Variants in CNTLN observed in about 807,000 individuals in gnomAD.
The protein encoded by CNTLN is centlein.
CNTLN carries 212 observed loss-of-function variants against 180.0 expected under a neutral mutation model. That is an observed-to-expected ratio of 1.18 (90% confidence interval 1.05 to 1.32). The LOEUF (loss-of-function observed/expected upper bound fraction) is 1.32, where lower values mean the gene tolerates loss of function less well. Among genes scored for constraint, CNTLN ranks in the 40% most tolerant of loss-of-function variants. The probability of loss-of-function intolerance (pLI) is 0.00; values close to 1 mark genes in which losing one functional copy is unlikely to be tolerated. For missense variants in CNTLN, 2,095 were observed against 1,610.9 expected (o/e 1.30, Z -5.14); for synonymous variants, 722 against 563.1 (o/e 1.28, Z -3.99).
chr9:17,483,690 A>G (rs532940219), intron 23 of CNTLN, among the ~76,000 whole-genome samples: 1 of 152,196 alleles, frequency 6.6e-6, no homozygotes, highest in Non-Finnish European at 1.5e-5. Context: ...AGGCAACTTA[A>G]AGGCTTGTGA....
At chr9:17,489,900 C>T (rs1031971531) in intron 25 of CNTLN, among the ~76,000 whole-genome samples, 9 of 152,128 alleles carry the variant, frequency 5.9e-5, no homozygotes, top group African/African-American at 1.9e-4. Flanking sequence ...AGTCTACTTT[C>T]ATCTTTCTAT....
At chr9:17,378,675 C>T (rs1447536396) in intron 13 of CNTLN, among the ~76,000 whole-genome samples, 1 of 151,984 alleles carries the variant, frequency 6.6e-6, no homozygotes, top group Non-Finnish European at 1.5e-5. Context: ...TTTTCTTTTA[C>T]AATTTGGATT....
chr9:17,358,663 T>C (rs1823049071), intron 12 of CNTLN, among the ~76,000 whole-genome samples: 1 of 152,208 alleles, frequency 6.6e-6, no homozygotes, highest in African/African-American at 2.4e-5. Context: ...GTTTGAAATA[T>C]GCTTTCTACT....
Position 17,427,015 on chromosome 9 carries a change from G to T in CNTLN, c.3114+10826G>T, listed in dbSNP as rs1435721004. 2.6e-5 allele frequency among the ~76,000 whole-genome samples: 4 copies of T among 152,142 alleles called. No homozygotes were observed. In the East Asian group the frequency reaches 7.7e-4, roughly 29 times the overall value. On this transcript the variant is annotated intron_variant, in intron 18 of 25. Transcript: ENST00000380647. ...TTGTACTCTGCCCTGGTCCCAATCA[G>T]AGACATATTTCTTTATTACCTTTCT...
At chr9:17,343,709 C>T (rs149893635) in intron 12 of CNTLN, among the ~76,000 whole-genome samples, 4 of 152,110 alleles carry the variant, frequency 2.6e-5, no homozygotes, top group East Asian at 3.9e-4. Flanking sequence ...ACTTATATAA[C>T]GTATATAATT....
chr9:17,242,664 A>T (rs1392490249), intron 5 of CNTLN, among the ~76,000 whole-genome samples: 1 of 152,178 alleles, frequency 6.6e-6, no homozygotes, highest in African/African-American at 2.4e-5. Context: ...TATCCCAATG[A>T]TTGATTTGCA....
At chr9:17,315,340 A>G (rs1819467430) in intron 8 of CNTLN, among the ~76,000 whole-genome samples, 1 of 152,056 alleles carries the variant, frequency 6.6e-6, no homozygotes, top group South Asian at 2.1e-4. Flanking sequence ...TTGAGAAGGC[A>G]TGTCTCTTAT....
rs773149484 is a variant in CNTLN at position 17,309,066 on chromosome 9, T to G, written c.1155T>G (p.Asn385Lys). The change falls in exon 8 of 26, where the codon AAT (asparagine) becomes AAG (lysine). Residue 385 changes from asparagine to lysine, a missense_variant. Coordinates refer to ENST00000380647, the MANE Select transcript of CNTLN (RefSeq NM_017738.4). ...TATATTTTTTGAAACAGCTTTACAA[T>G]GAGTTACATATTTGTTTTGAAACCA... ...AESISYQKLY[N>K]ELHICFETTK... 10 of 1,575,878 alleles carry G rather than the reference T, an allele frequency of 6.3e-6. No homozygotes were observed. Among genetic ancestry groups the G allele is most frequent in the Non-Finnish European group, 6.0e-6 (7 of 1,167,024 alleles).
intron 7 of CNTLN, among the ~76,000 whole-genome samples, chr9:17,304,272 A>T (rs957501182): frequency 1.3e-5 from 2 of 152,162 alleles, no homozygotes; most frequent in African/African-American, 2.4e-5. Context: ...TCTAGGAGAA[A>T]AACACCTATC....
Position 17,502,688 on chromosome 9 carries a change from C to G in CNTLN, c.*36C>G. The G allele has an allele frequency of 1.2e-6, 1 of 824,372 alleles. No homozygotes were observed. Among genetic ancestry groups the G allele is most frequent in the Non-Finnish European group, 1.9e-6 (1 of 539,848 alleles). The allele number at this position is 824,372 out of a possible 1,614,324, so 51.1% of individuals were successfully genotyped here. A position where few individuals can be genotyped will look rare whatever the true frequency, so the allele number is the denominator to read the frequency against. On this transcript the variant is annotated 3_prime_UTR_variant, in exon 26 of 26. Transcript: ENST00000380647. Reference sequence around the variant, plus strand: ...GAGAGCTTTATTGCAAATGTGAAAACTTTTTATGTGGTGTGATTGGAATAC... The same window carrying G: ...GAGAGCTTTATTGCAAATGTGAAAAGTTTTTATGTGGTGTGATTGGAATAC...
chr9:17,245,316 T>C (rs1052125405), intron 5 of CNTLN, among the ~76,000 whole-genome samples: 1 of 151,906 alleles, frequency 6.6e-6, no homozygotes, highest in Non-Finnish European at 1.5e-5. Flanking sequence ...TACTATTCTA[T>C]GTTAAAAGTT....
intron 2 of CNTLN, among the ~76,000 whole-genome samples, chr9:17,171,485 A>C (rs1820417151): frequency 6.6e-6 from 1 of 152,152 alleles, no homozygotes; most frequent in Non-Finnish European, 1.5e-5. Flanking sequence ...GTGTGTTACA[A>C]GGTGTCTGCA....
chr9:17,445,317 G>C (rs1830340034), intron 18 of CNTLN, among the ~76,000 whole-genome samples: 1 of 152,026 alleles, frequency 6.6e-6, no homozygotes, highest in Non-Finnish European at 1.5e-5. Flanking sequence ...GCAAGACTTA[G>C]ATACGGTACA....
At chr9:17,357,731 T>G (rs1046591353) in intron 12 of CNTLN, among the ~76,000 whole-genome samples, 2 of 151,366 alleles carry the variant, frequency 1.3e-5, no homozygotes, top group South Asian at 4.2e-4. Context: ...TTTCCATAAG[T>G]CAATTTTGTC....
At chr9:17,424,189 C>T (rs920005606) in intron 18 of CNTLN, among the ~76,000 whole-genome samples, 7 of 152,004 alleles carry the variant, frequency 4.6e-5, no homozygotes, top group African/African-American at 1.7e-4. Flanking sequence ...CTGATTAAAA[C>T]AATGTATTTT....
intron 5 of CNTLN, among the ~76,000 whole-genome samples, chr9:17,266,429 A>T (rs1487271210): frequency 1.3e-5 from 2 of 152,078 alleles, no homozygotes; most frequent in Non-Finnish European, 2.9e-5. Flanking sequence ...CTGTTCTTTT[A>T]CATTTGCTGA....
chr9:17,308,516 T>A (rs1315205764), intron 7 of CNTLN, among the ~76,000 whole-genome samples: 1 of 152,148 alleles, frequency 6.6e-6, no homozygotes, highest in African/African-American at 2.4e-5. Context: ...TAACTGTTAA[T>A]GAAATACTCC....
chr9:17,380,907 A>G (rs954447859), intron 13 of CNTLN, among the ~76,000 whole-genome samples: 1 of 152,184 alleles, frequency 6.6e-6, no homozygotes, highest in African/African-American at 2.4e-5. Context: ...CTTCTGCTCC[A>G]TGTGTCTGAT....
intron 3 of CNTLN, among the ~76,000 whole-genome samples, chr9:17,234,231 G>C (rs776471715): frequency 1.1e-4 from 17 of 152,220 alleles, no homozygotes; most frequent in Non-Finnish European, 2.4e-4. Flanking sequence ...GGGAAGATTA[G>C]TTGAGTCCAG....
Sources: allele counts gnomAD v4.1 joint callset (sites outside exome capture counted in the v4.1 genomes callset), GRCh38; gene constraint gnomAD v4.1.1; transcripts MANE v1.5; gene names NCBI Gene and HGNC (gene_info 2026-07-23, HGNC 2026-07-21).